The following CRLF3 variants were observed in gnomAD, a reference collection of about 807,000 sequenced individuals.
The protein encoded by CRLF3 is cytokine receptor-like factor 3.
CRLF3 carries 33 observed loss-of-function variants against 55.0 expected under a neutral mutation model. The observed-to-expected ratio is 0.60, with a 90% CI of 0.46 to 0.80. CRLF3 has a LOEUF of 0.80. Among genes scored for constraint, CRLF3 ranks in the 30% least tolerant of loss-of-function variants. CRLF3 has a pLI of 0.00. For missense variants in CRLF3, 494 were observed against 538.4 expected (o/e 0.92, Z 0.82); for synonymous variants, 238 against 196.8 (o/e 1.21, Z -1.75).
chr17:30,784,542 A>G (rs887824952), intron 7 of CRLF3, 99 bp from the exon 8 acceptor site: 1 of 1,107,960 alleles, frequency 9.0e-7, no homozygotes, highest in Non-Finnish European at 1.3e-6. Context: ...TTCCTAATTC[A>G]GATTTTAAAA....
intron 6 of CRLF3, among the ~76,000 whole-genome samples, chr17:30,789,570 G>T (rs755468356): frequency 6.6e-6 from 1 of 152,098 alleles, no homozygotes; most frequent in Non-Finnish European, 1.5e-5. Context: ...GTCTGGAGTC[G>T]AACTGCCTGG....
At chr17:30,796,120 C>G in intron 4 of CRLF3, 40 bp downstream of exon 4, 1 of 1,478,398 alleles carries the variant, frequency 6.8e-7, no homozygotes, top group Non-Finnish European at 9.1e-7. Flanking sequence ...ATCGCAAACC[C>G]ATAATGTGGA....
At chr17:30,791,691 T>A (rs1215427408) in intron 6 of CRLF3, among the ~76,000 whole-genome samples, 1 of 148,408 alleles carries the variant, frequency 6.7e-6, no homozygotes. Flanking sequence ...CTAATTTTTT[T>A]ATTTATAGTA....
At chr17:30,789,218 C>A (rs1034767457) in intron 6 of CRLF3, among the ~76,000 whole-genome samples, 1 of 152,130 alleles carries the variant, frequency 6.6e-6, no homozygotes, top group African/African-American at 2.4e-5. Flanking sequence ...GGTGATGCAT[C>A]TTTAGGAGAT....
chr17:30,815,871 C>T (rs561815794), intron 1 of CRLF3, among the ~76,000 whole-genome samples: 16 of 151,164 alleles, frequency 1.1e-4, no homozygotes, highest in Admixed American at 9.9e-4. Flanking sequence ...TTCTCCTTGA[C>T]CTCCTTCTAT....
Position 30,793,664 on chromosome 17 carries a change from A to G in CRLF3, c.612T>C (p.Asp204=), listed in dbSNP as rs1244926356. The G allele has an allele frequency of 5.6e-6, 9 of 1,609,956 alleles. No individual in the cohort carries two copies. The South Asian group carries it at 7.7e-5, about 14-fold the overall frequency. Reference sequence around the variant, plus strand: ...GCCTGTAATCTTGGGCTGTAAAGTCATCATCCACCTAGGGAGAAAAGCTTT... The same window carrying G: ...GCCTGTAATCTTGGGCTGTAAAGTCGTCATCCACCTAGGGAGAAAAGCTTT... ...GIIVRWCKVD[D]DFTAQDYRLQ... The change falls in exon 5 of 8, where the codon GAT becomes GAC. Residue 204 remains aspartate, a synonymous_variant. Transcript: ENST00000324238.
At chr17:30,816,066 G>T (rs1006622800) in intron 1 of CRLF3, among the ~76,000 whole-genome samples, 5 of 149,816 alleles carry the variant, frequency 3.3e-5, no homozygotes, top group Admixed American at 2.7e-4. Context: ...GGCAGATCAC[G>T]AGGTCAGGAG....
chr17:30,804,577 A>G (rs1904332623), intron 1 of CRLF3, among the ~76,000 whole-genome samples: 1 of 152,198 alleles, frequency 6.6e-6, no homozygotes, highest in Non-Finnish European at 1.5e-5. Context: ...GAGATCGTGC[A>G]GTATGTTTAT....
At chr17:30,815,976 T>TAAA (rs527247079) in intron 1 of CRLF3, among the ~76,000 whole-genome samples, 1 of 135,980 alleles carries the variant, frequency 7.4e-6, no homozygotes, top group South Asian at 2.3e-4. Context: ...AATAAAAAGT[T>TAAA]AAAAAAAAAA....
rs1418477461 is a variant in CRLF3, at chr17:30,803,893, T to TC, written c.337+7dup. ...TGCACTAATACAACAGGCTCCCTGGTCCCCCACCTTCTCGGACTAAGTCCT... is the reference window on the plus strand; with the variant it reads ...TGCACTAATACAACAGGCTCCCTGGTCCCCCCACCTTCTCGGACTAAGTCCT... On this transcript the variant is annotated splice_region_variant and intron_variant, in intron 2 of 7. Transcript: ENST00000324238. 2 of 1,603,252 alleles carry TC rather than the reference T, an allele frequency of 1.2e-6. No individual in the cohort carries two copies. Among genetic ancestry groups the TC allele is most frequent in the South Asian group, 2.2e-5 (2 of 90,802 alleles).
rs1378918533 is a variant in CRLF3 at position 30,803,931 on chromosome 17, C to T, written c.307G>A (p.Val103Ile). 6.2e-7 allele frequency: 1 copy of T among 1,612,204 alleles called. No individual in the cohort carries two copies. The highest frequency in any genetic ancestry group is 1.1e-5 in the South Asian group (1 of 91,006). Residue 103 changes from valine (V) to isoleucine (I), a missense_variant, in exon 2 of 8, where the codon GTC becomes ATC. Transcript: ENST00000324238. ...CGGACTAAGTCCTCTGCAGTGTTGA[C>T]TCCGTGTTCTATGAGCTTCTGGCAG... ...DDCQKLIEHGVNTAEDLVREG... is the reference protein window; with the variant it reads ...DDCQKLIEHGINTAEDLVREG...
chr17:30,824,530 C>G lies in CRLF3; in HGVS notation c.122G>C (p.Arg41Pro). The change falls in exon 1 of 8, where the codon CGG becomes CCG. Residue 41 changes from arginine to proline, a missense_variant. Arg to Pro is a moderately radical substitution (Grantham distance 103, BLOSUM62 -2). Transcript: ENST00000324238. Reference protein sequence around the residue: ...GHRLEGLREARRQIKESASQT... With the variant: ...GHRLEGLREAPRQIKESASQT... ...TGGGTGTGGCCCTCCGACCTGCCTCCGCGCCTCACGCAGCCCCTCAAGCCG... is the reference window on the plus strand; with the variant it reads ...TGGGTGTGGCCCTCCGACCTGCCTCGGCGCCTCACGCAGCCCCTCAAGCCG... 1 of 1,590,576 alleles carries G rather than the reference C, an allele frequency of 6.3e-7. No individual in the cohort carries two copies.
At chr17:30,792,667 C>T (rs745413203) in intron 5 of CRLF3, 95 bp from the exon 6 acceptor site, 5 of 1,082,846 alleles carry the variant, frequency 4.6e-6, no homozygotes, top group Non-Finnish European at 6.8e-6. Flanking sequence ...TGGGAGACTA[C>T]TCTTAGGGGC....
In CRLF3 at chr17:30,824,559, AC is replaced by A; in HGVS notation, c.92del (p.Gly31ValfsTer32). 2 of 1,599,960 alleles carry A rather than the reference AC, an allele frequency of 1.3e-6. No individual in the cohort carries two copies. The highest frequency in any genetic ancestry group is 1.7e-6 in the Non-Finnish European group (2 of 1,177,482). The stretch of plus-strand genomic sequence containing the variant: ...CCTCACGCAGCCCCTCAAGCCGGTG[AC>A]CCAGCTCCCGCCGGTAGCTCTGCGC... ...EAAQSYRREL[G>X]HRLEGLREAR... is the part of the protein sequence containing the mutation. On this transcript the variant is annotated frameshift_variant, in exon 1 of 8. Transcript: ENST00000324238. LOFTEE classifies it high-confidence loss of function.
chr17:30,812,079 C>T (rs558591000), intron 1 of CRLF3, among the ~76,000 whole-genome samples: 99 of 151,622 alleles, frequency 6.5e-4, no homozygotes, highest in African/African-American at 2.3e-3. Flanking sequence ...CAGTGCACTC[C>T]AGCCTGGGCG....
chr17:30,803,787 C>T (rs1972043275), intron 2 of CRLF3, 114 bp downstream of exon 2: 2 of 805,140 alleles, frequency 2.5e-6, no homozygotes, highest in Non-Finnish European at 2.1e-6. Context: ...CCACATGGAA[C>T]TGTAAGTTCA....
intron 1 of CRLF3, 26 bp downstream of exon 1, chr17:30,824,497 C>T: frequency 6.4e-7 from 1 of 1,570,372 alleles, no homozygotes. Flanking sequence ...GGGCCCACAG[C>T]GCCCCTGTGG....
At position 30,797,406 on chromosome 17, in the gene CRLF3, CA is replaced by C; in HGVS notation, c.338-9del. On this transcript the variant is annotated splice_polypyrimidine_tract_variant and intron_variant, in intron 2 of 7. Coordinates refer to ENST00000324238, the MANE Select transcript of CRLF3 (RefSeq NM_015986.4). ...CAAGCATGGCGATTTCACCTACAAT[CA>C]AGAATAAGAGAACTAGAACAATGAA... The C allele has an allele frequency of 6.2e-7, 1 of 1,605,630 alleles. No individual in the cohort carries two copies. Among genetic ancestry groups the C allele is most frequent in the East Asian group, 2.2e-5 (1 of 44,832 alleles).
chr17:30,820,261 C>T (rs891953041), intron 1 of CRLF3, among the ~76,000 whole-genome samples: 16 of 152,200 alleles, frequency 1.1e-4, no homozygotes, highest in Non-Finnish European at 1.9e-4. Flanking sequence ...GGAGAAACTG[C>T]TACATGTTGG....
Sources: gnomAD v4.1 joint callset for allele counts (sites outside exome capture counted in the v4.1 genomes callset) on GRCh38, gnomAD v4.1.1 for gene constraint, MANE v1.5 for transcripts, NCBI Gene and HGNC (gene_info 2026-07-23, HGNC 2026-07-21) for gene names.